SLC1A2: variants seen among roughly 807,000 people sequenced by gnomAD.
SLC1A2 encodes solute carrier family 1 member 2.
In SLC1A2, 15 loss-of-function variants were observed where a neutral mutation model predicts 48.8. The ratio of observed to expected loss-of-function variants is 0.31; its 90% CI spans 0.21 to 0.47. SLC1A2 has a LOEUF of 0.47. Ranked by LOEUF, SLC1A2 falls within the 20% of genes least tolerant of loss-of-function variation. The pLI, the probability that SLC1A2 is intolerant of heterozygous loss-of-function variation, is 0.99. For missense variants in SLC1A2, 502 were observed against 730.5 expected, an observed-to-expected ratio of 0.69 and a Z score of 3.61; for synonymous variants, 279 against 272.6, an observed-to-expected ratio of 1.02 and a Z score of -0.23.
Position 35,286,947 on chromosome 11 carries a change from C to T in SLC1A2, c.1096G>A (p.Gly366Arg). 1 of 1,613,598 alleles carries T rather than the reference C, an allele frequency of 6.2e-7. No individual in the cohort carries two copies. The highest frequency in any genetic ancestry group is 8.5e-7 in the Non-Finnish European group (1 of 1,179,592). Reference sequence around the variant, plus strand: ...CAACGAAAGGTGACAGGCAAAGTTCCAGCACTGAGAACAAAGAGAAAGAGA... The same window carrying T: ...CAACGAAAGGTGACAGGCAAAGTTCTAGCACTGAGAACAAAGAGAAAGAGA... ...ITALGTASSA[G>R]TLPVTFRCLE... is the part of the protein sequence containing the mutation. Residue 366 changes from glycine to arginine, a missense_variant, in exon 8 of 11, where the codon GGA (glycine) becomes AGA (arginine). Gly to Arg is a moderately radical substitution (Grantham distance 125). Transcript: ENST00000278379.
intron 1 of SLC1A2, among the ~76,000 whole-genome samples, chr11:35,381,170 T>C (rs1163901636): frequency 6.6e-6 from 1 of 152,142 alleles, no homozygotes; most frequent in Non-Finnish European, 1.5e-5. Context: ...CTTTTCCATG[T>C]CATCCCATCG....
chr11:35,410,270 T>C (rs1192499965), intron 1 of SLC1A2, among the ~76,000 whole-genome samples: 3 of 152,190 alleles, frequency 2.0e-5, no homozygotes, highest in Non-Finnish European at 2.9e-5. Context: ...ATACTTATCA[T>C]TTTTTGGTGG....
intron 10 of SLC1A2, among the ~76,000 whole-genome samples, chr11:35,263,173 C>T (rs549161643): frequency 2.6e-5 from 4 of 152,226 alleles, no homozygotes; most frequent in East Asian, 1.9e-4. Context: ...CTTTAAAAAA[C>T]GAAGCAAATT....
At chr11:35,312,898 A>G (rs1304350671) in intron 3 of SLC1A2, among the ~76,000 whole-genome samples, 1 of 152,180 alleles carries the variant, frequency 6.6e-6, no homozygotes, top group African/African-American at 2.4e-5. Flanking sequence ...GATCAATCCC[A>G]TAGTTTATCA....
At chr11:35,277,526 C>T (rs949915943) in intron 9 of SLC1A2, among the ~76,000 whole-genome samples, 2 of 152,098 alleles carry the variant, frequency 1.3e-5, no homozygotes, top group South Asian at 4.1e-4. Flanking sequence ...CACTCAAAGG[C>T]ATTTGTATTA....
chr11:35,412,684 C>T (rs1326724177), intron 1 of SLC1A2, among the ~76,000 whole-genome samples: 1 of 152,188 alleles, frequency 6.6e-6, no homozygotes, highest in Non-Finnish European at 1.5e-5. Context: ...CAGTAAAGAG[C>T]GTAAGTTAAG....
chr11:35,305,590 G>A (rs1425263183), intron 5 of SLC1A2, among the ~76,000 whole-genome samples: 1 of 152,170 alleles, frequency 6.6e-6, no homozygotes, highest in Non-Finnish European at 1.5e-5. Flanking sequence ...AAGATAATCT[G>A]TAAAGCTCCC....
At chr11:35,399,863 T>C (rs891032016) in intron 1 of SLC1A2, among the ~76,000 whole-genome samples, 2 of 151,996 alleles carry the variant, frequency 1.3e-5, no homozygotes, top group Non-Finnish European at 2.9e-5. Flanking sequence ...CAACATAGGG[T>C]GATGTGGGAT....
intron 10 of SLC1A2, among the ~76,000 whole-genome samples, chr11:35,263,089 G>T (rs1260899413): frequency 6.6e-6 from 1 of 152,208 alleles, no homozygotes; most frequent in Non-Finnish European, 1.5e-5. Flanking sequence ...TGGGGACAAA[G>T]CCTTACTCCT....
At chr11:35,418,691 T>C (rs955909054) in intron 1 of SLC1A2, 3 of 519,176 alleles carry the variant, frequency 5.8e-6, no homozygotes, top group Non-Finnish European at 1.0e-5. Context: ...TTCCTCACAC[T>C]CTCAGGCCCC....
intron 1 of SLC1A2, chr11:35,374,204 G>A (rs941894280): frequency 1.1e-4 from 60 of 531,010 alleles, no homozygotes; most frequent in Admixed American, 3.3e-4. Flanking sequence ...CCCTCGCTCT[G>A]TGACTTGCTG....
intron 7 of SLC1A2, 84 bp downstream of exon 7, chr11:35,292,203 T>C (rs1851032140): frequency 1.1e-6 from 1 of 940,428 alleles, no homozygotes; most frequent in Admixed American, 2.1e-5. Flanking sequence ...TTGAACTTTG[T>C]GATGGGAGGG....
chr11:35,307,713 T>A (rs1013976240), intron 4 of SLC1A2, among the ~76,000 whole-genome samples: 2 of 152,240 alleles, frequency 1.3e-5, no homozygotes, highest in African/African-American at 4.8e-5. Context: ...ATTGAGTTAT[T>A]TCCACAGTCT....
chr11:35,333,737 C>T (rs1253873702), intron 1 of SLC1A2, among the ~76,000 whole-genome samples: 12 of 152,006 alleles, frequency 7.9e-5, no homozygotes, highest in Non-Finnish European at 1.6e-4. Flanking sequence ...TCTCAGCTCA[C>T]TATAACCTCT....
At chr11:35,403,184 A>C (rs1476715973) in intron 1 of SLC1A2, among the ~76,000 whole-genome samples, 1 of 152,218 alleles carries the variant, frequency 6.6e-6, no homozygotes, top group Non-Finnish European at 1.5e-5. Context: ...CCAAAACCCT[A>C]TCAGGTGGGT....
Position 35,257,537 on chromosome 11 carries a change from T to G in SLC1A2, c.*3357A>C, listed in dbSNP as rs1950329728. 1 of 152,204 alleles carries G rather than the reference T, an allele frequency of 6.6e-6. No homozygotes were observed. Among genetic ancestry groups the G allele is most frequent in the African/African-American group, 2.4e-5 (1 of 41,448 alleles). 9.4% of individuals were successfully genotyped at this position (152,204 alleles called of 1,614,324 possible). ...ATGTTGAAGATCTGTGAGATCTAGATGATTGCCCTGATTTTCTGATGCTCT... is the reference window on the plus strand; with the variant it reads ...ATGTTGAAGATCTGTGAGATCTAGAGGATTGCCCTGATTTTCTGATGCTCT... On this transcript the variant is annotated 3_prime_UTR_variant, in exon 11 of 11. Coordinates refer to ENST00000278379, the MANE Select transcript of SLC1A2 (RefSeq NM_004171.4).
At chr11:35,324,396 T>C (rs905235623) in intron 1 of SLC1A2, among the ~76,000 whole-genome samples, 1 of 152,246 alleles carries the variant, frequency 6.6e-6, no homozygotes, top group African/African-American at 2.4e-5. Context: ...TGGCAGTGGC[T>C]GAGACAAGAC....
rs892203135 is a variant in SLC1A2 at position 35,260,935 on chromosome 11, C to T, written c.1684G>A (p.Asp562Asn). The T allele has an allele frequency of 1.6e-5, 26 of 1,613,684 alleles. No individual in the cohort carries two copies. The highest frequency in any genetic ancestry group is 5.3e-5 in the African/African-American group (4 of 74,872). ...VTLAANGKSA[D>N]CSVEEEPWKR... Reference sequence around the variant, plus strand: ...CAAGGTTCTTCCTCAACACTGCAGTCGGCTGACTTTCCATTGGCTGCCAGA... The same window carrying T: ...CAAGGTTCTTCCTCAACACTGCAGTTGGCTGACTTTCCATTGGCTGCCAGA... Residue 562 changes from aspartate (D) to asparagine (N), a missense_variant, in exon 11 of 11, where the codon GAC becomes AAC. Around this residue, in one of 4 missense-constraint regions of SLC1A2, gnomAD observed 102 missense variants for 107.2 expected, o/e 0.95. Transcript: ENST00000278379.
chr11:35,350,205 ATC>A (rs1853195896), intron 1 of SLC1A2, among the ~76,000 whole-genome samples: 1 of 152,234 alleles, frequency 6.6e-6, no homozygotes, highest in Non-Finnish European at 1.5e-5. Context: ...ACAAGAAGAC[ATC>A]TCCCAGACCC....
Sources: allele counts gnomAD v4.1 joint callset (sites outside exome capture counted in the v4.1 genomes callset), GRCh38; gene constraint gnomAD v4.1.1; regional missense constraint gnomAD v4.1.1; transcripts MANE v1.5; gene names NCBI Gene and HGNC (gene_info 2026-07-23, HGNC 2026-07-21).